The following ABCA10 variants were observed in gnomAD, a reference collection of about 807,000 sequenced individuals.
ABCA10 encodes the protein ATP-binding cassette sub-family A member 10.
A neutral mutation model predicts 187.5 loss-of-function variants in ABCA10; 169 were observed. That is an observed-to-expected ratio of 0.90 (90% CI 0.80 to 1.02). The LOEUF (loss-of-function observed/expected upper bound fraction) is 1.02, where lower values mean the gene tolerates loss of function less well. Ranked by LOEUF, ABCA10 falls within the 50% of genes least tolerant of loss-of-function variation. The pLI is 0.00. For synonymous variants in ABCA10, 574 were observed against 601.8 expected, an observed-to-expected ratio of 0.95 and a Z score of 0.68; for missense variants, 1,727 against 1,812.4, an observed-to-expected ratio of 0.95 and a Z score of 0.86.
At chr17:69,206,475 CAAGAA>C (rs1291326528) in intron 9 of ABCA10, among the ~76,000 whole-genome samples, 3 of 152,080 alleles carry the variant, frequency 2.0e-5, no homozygotes, top group Non-Finnish European at 4.4e-5. Context: ...AGATCAGAAG[CAAGAA>C]AAGATGCATT....
chr17:69,161,473 C>T (rs987435436), intron 27 of ABCA10, among the ~76,000 whole-genome samples: 1 of 152,166 alleles, frequency 6.6e-6, no homozygotes, highest in African/African-American at 2.4e-5. Flanking sequence ...TTTACCACCA[C>T]AGGTCACTGA....
chr17:69,192,192 C>G (rs190985291), intron 16 of ABCA10, among the ~76,000 whole-genome samples: 1 of 152,090 alleles, frequency 6.6e-6, no homozygotes, highest in Non-Finnish European at 1.5e-5. Flanking sequence ...GGCATGGTGG[C>G]GCATGCCTGT....
At chr17:69,166,953 A>G (rs1164139234) in intron 25 of ABCA10, among the ~76,000 whole-genome samples, 1 of 152,210 alleles carries the variant, frequency 6.6e-6, no homozygotes, top group East Asian at 1.9e-4. Context: ...GTTGATGATC[A>G]GTACTGCCAT....
At position 69,192,169 on chromosome 17, in the gene ABCA10, A is replaced by G. The variant is rs536221304; in HGVS notation, c.1871+394T>C. Among the ~76,000 whole-genome samples, 14 of 152,128 alleles carry G rather than the reference A, an allele frequency of 9.2e-5. 1 individual carries two copies. The South Asian group carries it at 2.9e-3, about 32-fold the overall frequency. ...GAAACCCCATCTCTACTAAAAATAC[A>G]AAAAATTAGCTGGGCATGGTGGCGC... On this transcript the variant is annotated intron_variant, in intron 16 of 38. Transcript: ENST00000690296.
chr17:69,152,254 G>A (rs2074135044), intron 35 of ABCA10, 71 bp from the exon 36 acceptor site: 1 of 1,572,014 alleles, frequency 6.4e-7, no homozygotes, highest in East Asian at 2.2e-5. Context: ...GTAGAGGAAG[G>A]TGTTTAATTA....
chr17:69,151,012 C>T (rs976384019), intron 36 of ABCA10, among the ~76,000 whole-genome samples: 6 of 152,294 alleles, frequency 3.9e-5, no homozygotes, highest in Admixed American at 3.9e-4. Context: ...CCTCAACATT[C>T]TCCTAGTTTA....
intron 36 of ABCA10, among the ~76,000 whole-genome samples, chr17:69,150,861 A>G (rs543909651): frequency 4.6e-5 from 7 of 152,316 alleles, no homozygotes; most frequent in African/African-American, 1.2e-4. Flanking sequence ...CTACTGGCCA[A>G]TGCTGTTCTA....
chr17:69,238,951 T>C (rs959240605), intron 1 of ABCA10, among the ~76,000 whole-genome samples: 2 of 152,250 alleles, frequency 1.3e-5, no homozygotes, highest in African/African-American at 4.8e-5. Flanking sequence ...TGCAATGTTC[T>C]ATTAAATATC....
intron 25 of ABCA10, among the ~76,000 whole-genome samples, chr17:69,168,183 A>G (rs2074268432): frequency 6.6e-6 from 1 of 152,210 alleles, no homozygotes; most frequent in Non-Finnish European, 1.5e-5. Flanking sequence ...ATACACGTTA[A>G]GCAACTATGT....
In ABCA10 at chr17:69,201,647, G is replaced by A; in HGVS notation, c.1028C>T (p.Ser343Phe). The part of the protein sequence containing the change: ...VLPDKDGHGD[S>F]PLFFLKSSFW... ...TGAGGACTTAAGGAAAAATAATGGA[G>A]AATCCCCATGGCCATCTTTATCTAA... Residue 343 changes from serine (S) to phenylalanine (F), a missense_variant, in exon 10 of 39, where the codon TCT becomes TTT. By Grantham distance (155) the Ser-to-Phe change is radical. Transcript: ENST00000690296. The A allele has an allele frequency of 6.2e-7, 1 of 1,606,226 alleles. No homozygotes were observed. The highest frequency in any genetic ancestry group is 8.5e-7 in the Non-Finnish European group (1 of 1,177,326).
chr17:69,166,422 A>C (rs1289388438), intron 25 of ABCA10, among the ~76,000 whole-genome samples: 1 of 152,180 alleles, frequency 6.6e-6, no homozygotes, highest in Non-Finnish European at 1.5e-5. Flanking sequence ...CAAAATAAAT[A>C]AATCCAGTGT....
chr17:69,170,827 A>C (rs2074293057), intron 25 of ABCA10, among the ~76,000 whole-genome samples: 1 of 152,162 alleles, frequency 6.6e-6, no homozygotes, highest in Non-Finnish European at 1.5e-5. Context: ...TTAAGTAAAC[A>C]CAAAATCTGC....
chr17:69,221,667 T>C (rs1256933205), intron 5 of ABCA10, 125 bp downstream of exon 5: 26 of 844,528 alleles, frequency 3.1e-5, no homozygotes, highest in South Asian at 1.1e-4. Flanking sequence ...GCTTTTGTTT[T>C]CTCTGAGGAT....
intron 25 of ABCA10, among the ~76,000 whole-genome samples, chr17:69,169,055 A>G (rs1270404569): frequency 1.3e-5 from 2 of 152,238 alleles, no homozygotes; most frequent in Non-Finnish European, 2.9e-5. Context: ...TATTTTAATG[A>G]GCAGTTTACC....
chr17:69,193,499 A>T lies in ABCA10; in HGVS notation c.1635T>A (p.Asp545Glu). Residue 545 changes from aspartate to glutamate, a missense_variant, in exon 14 of 39, where the codon GAT becomes GAA. Transcript: ENST00000690296. ...KLTLGIAILG[D>E]PQVLLLDEPT... ...AATATATTTTTTCTCTCACCTGAGG[A>T]TCTCCTAAGATGGCAATCCCTAGTG... The T allele has an allele frequency of 4.3e-6, 7 of 1,610,932 alleles. No individual in the cohort carries two copies. Among genetic ancestry groups the T allele is most frequent in the Non-Finnish European group, 5.9e-6 (7 of 1,179,044 alleles).
At chr17:69,171,547 T>C (rs2074297260) in intron 25 of ABCA10, among the ~76,000 whole-genome samples, 1 of 152,110 alleles carries the variant, frequency 6.6e-6, no homozygotes, top group Non-Finnish European at 1.5e-5. Context: ...AGACAGGCAA[T>C]ATCTGAAGTG....
intron 9 of ABCA10, among the ~76,000 whole-genome samples, chr17:69,207,769 C>T (rs2074602597): frequency 6.6e-6 from 1 of 151,972 alleles, no homozygotes; most frequent in Admixed American, 6.6e-5. Flanking sequence ...GGAGAGAGAG[C>T]AGGGATTGGA....
intron 20 of ABCA10, among the ~76,000 whole-genome samples, chr17:69,184,050 C>T (rs549672894): frequency 3.0e-4 from 46 of 152,198 alleles, no homozygotes; most frequent in South Asian, 1.7e-3. Context: ...GACCACTTTG[C>T]GGGCTGTGTG....
chr17:69,197,219 G>A, intron 10 of ABCA10, 97 bp from the exon 11 acceptor site: 4 of 954,756 alleles, frequency 4.2e-6, no homozygotes, highest in South Asian at 3.2e-5. Context: ...ACAGTAAAGG[G>A]TATCACTCTC....
Sources: allele counts gnomAD v4.1 joint callset (sites outside exome capture counted in the v4.1 genomes callset), GRCh38; gene constraint gnomAD v4.1.1; transcripts MANE v1.5; gene names NCBI Gene and HGNC (gene_info 2026-07-23, HGNC 2026-07-21).